The following ARHGAP44 variants were observed in gnomAD, a reference collection of about 807,000 sequenced individuals.
The protein encoded by ARHGAP44 is Rho GTPase activating protein 44.
Under a neutral mutation model 106.8 loss-of-function variants are expected in ARHGAP44, and 43 were observed. The ratio of observed to expected loss-of-function variants is 0.40; its 90% CI spans 0.32 to 0.52. ARHGAP44 has a LOEUF of 0.52. Ranked by LOEUF, ARHGAP44 falls within the 20% of genes least tolerant of loss-of-function variation. The pLI is 0.48. For missense variants in ARHGAP44, 866 were observed against 1,050.5 expected (o/e 0.82, Z 2.43); for synonymous variants, 439 against 410.3 (o/e 1.07, Z -0.85).
chr17:12,797,102 G>T (rs1183283087), intron 1 of ARHGAP44, among the ~76,000 whole-genome samples: 1 of 151,920 alleles, frequency 6.6e-6, no homozygotes, highest in Non-Finnish European at 1.5e-5. Context: ...AAAAATTTTT[G>T]TTGTATGTCT....
chr17:12,922,804 G>A (rs1386803328), intron 6 of ARHGAP44, among the ~76,000 whole-genome samples: 1 of 151,952 alleles, frequency 6.6e-6, no homozygotes. Flanking sequence ...TCGCCATGTT[G>A]GCCAGGCTGG....
At chr17:12,802,760 T>C (rs1386358681) in intron 1 of ARHGAP44, among the ~76,000 whole-genome samples, 60 of 125,534 alleles carry the variant, frequency 4.8e-4, no homozygotes, top group African/African-American at 1.9e-3. Flanking sequence ...TTTCTTTTTT[T>C]TTTTTTTTTT....
intron 10 of ARHGAP44, 82 bp downstream of exon 10, chr17:12,944,278 A>G: frequency 1.4e-6 from 2 of 1,453,050 alleles, no homozygotes; most frequent in Non-Finnish European, 1.8e-6. Flanking sequence ...TCTCTCCTGT[A>G]CCATCTCCAC....
chr17:12,888,711 AT>A (rs2036953607), intron 1 of ARHGAP44, among the ~76,000 whole-genome samples: 1 of 152,018 alleles, frequency 6.6e-6, no homozygotes, highest in South Asian at 2.1e-4. Context: ...ATAGTTGTGT[AT>A]TTGTCTATTT....
intron 15 of ARHGAP44, 141 bp downstream of exon 15, chr17:12,956,887 A>G (rs1431664899): frequency 3.4e-6 from 2 of 591,164 alleles, no homozygotes; most frequent in East Asian, 3.0e-5. Flanking sequence ...ACACACACAC[A>G]CGCATGCAGA....
Position 12,859,587 on chromosome 17 carries a change from C to G in ARHGAP44, c.54-35353C>G, listed in dbSNP as rs193211014. ...TTTCCTGACTCTTCTGTTATTCTCT[C>G]TTAATATTTCCTGAGATGTCTCATT... is the stretch of plus-strand genomic sequence containing the variant. On this transcript the variant is annotated intron_variant, in intron 1 of 20. Transcript: ENST00000379672. Among the ~76,000 whole-genome samples, 399 of 152,326 alleles carry G rather than the reference C, an allele frequency of 2.6e-3. 2 individuals are homozygous for G. Among genetic ancestry groups the G allele is most frequent in the African/African-American group, 7.9e-3 (329 of 41,580 alleles).
chr17:12,867,258 T>C (rs1343178725), intron 1 of ARHGAP44, among the ~76,000 whole-genome samples: 1 of 152,032 alleles, frequency 6.6e-6, no homozygotes, highest in Non-Finnish European at 1.5e-5. Flanking sequence ...TTCACATTAA[T>C]GTTTTATCTA....
intron 1 of ARHGAP44, among the ~76,000 whole-genome samples, chr17:12,872,534 T>G (rs1053750915): frequency 8.5e-5 from 13 of 152,224 alleles, no homozygotes; most frequent in Non-Finnish European, 1.5e-4. Context: ...AATATGAACT[T>G]TTAGATTCAA....
chr17:12,867,147 A>G (rs528979427), intron 1 of ARHGAP44, among the ~76,000 whole-genome samples: 2 of 151,560 alleles, frequency 1.3e-5, no homozygotes, highest in Admixed American at 1.3e-4. Context: ...TGTCACTCAC[A>G]AGGAAACATG....
At chr17:12,911,049 C>CA (rs60781678) in intron 4 of ARHGAP44, among the ~76,000 whole-genome samples, 4,039 of 128,580 alleles carry the variant, frequency 0.031, 117 homozygotes, top group African/African-American at 0.074. Flanking sequence ...AAAAAGTAAC[C>CA]AAAAAAAAAA....
At chr17:12,861,944 C>A (rs1402706303) in intron 1 of ARHGAP44, among the ~76,000 whole-genome samples, 1 of 151,904 alleles carries the variant, frequency 6.6e-6, no homozygotes, top group African/African-American at 2.4e-5. Context: ...CTTCCTCTTC[C>A]ACTATTAAGG....
rs547462180 is a variant in ARHGAP44, at chr17:12,973,970, G to A, written c.1542-119G>A. The A allele has an allele frequency of 2.0e-3, 2,179 of 1,090,568 alleles. 5 individuals carry two copies. The highest frequency in any genetic ancestry group is 2.2e-3 in the Non-Finnish European group (1,641 of 739,940). The allele number at this position is 1,090,568 out of a possible 1,614,324, so 67.6% of individuals were successfully genotyped here. ...CCAATGCATCGCTTCCCGGGCCCCC[G>A]GGGTGCTAAAGCTGCGCTGCTCTTC... On this transcript the variant is annotated intron_variant, in intron 17 of 20. Coordinates refer to ENST00000379672, the MANE Select transcript of ARHGAP44 (RefSeq NM_014859.6).
intron 16 of ARHGAP44, among the ~76,000 whole-genome samples, chr17:12,970,116 T>A (rs1460728310): frequency 6.6e-6 from 1 of 152,120 alleles, no homozygotes; most frequent in Admixed American, 6.5e-5. Flanking sequence ...ATGAGCAGTG[T>A]CAATTCTGGA....
At chr17:12,814,741 A>G (rs1259785221) in intron 1 of ARHGAP44, among the ~76,000 whole-genome samples, 1 of 151,978 alleles carries the variant, frequency 6.6e-6, no homozygotes, top group Non-Finnish European at 1.5e-5. Flanking sequence ...TTTCACGTCT[A>G]CCTGGCACAC....
At chr17:12,930,789 TA>T (rs2150968027) in intron 7 of ARHGAP44, among the ~76,000 whole-genome samples, 1 of 152,274 alleles carries the variant, frequency 6.6e-6, no homozygotes, top group South Asian at 2.1e-4. Flanking sequence ...CATAATGAGT[TA>T]AAAAATACAA....
chr17:12,850,382 T>G (rs1013314641), intron 1 of ARHGAP44, among the ~76,000 whole-genome samples: 2 of 148,498 alleles, frequency 1.3e-5, no homozygotes, highest in African/African-American at 5.1e-5. Flanking sequence ...CAGAGCACCA[T>G]TTTTTAAGAA....
chr17:12,946,004 C>A (rs559355789), intron 10 of ARHGAP44, among the ~76,000 whole-genome samples: 1 of 152,268 alleles, frequency 6.6e-6, no homozygotes, highest in South Asian at 2.1e-4. Flanking sequence ...GGTAATCCGT[C>A]CACCTCGGCC....
intron 1 of ARHGAP44, among the ~76,000 whole-genome samples, chr17:12,837,241 A>G (rs2035263720): frequency 6.6e-6 from 1 of 152,252 alleles, no homozygotes; most frequent in Admixed American, 6.5e-5. Flanking sequence ...CAATGTATCA[A>G]AATTTGTGGG....
At chr17:12,850,151 T>C (rs1228533378) in intron 1 of ARHGAP44, among the ~76,000 whole-genome samples, 2 of 152,132 alleles carry the variant, frequency 1.3e-5, no homozygotes, top group African/African-American at 4.8e-5. Flanking sequence ...CCGAGGAAAC[T>C]CAGAGAACAT....
Sources: allele counts gnomAD v4.1 joint callset (sites outside exome capture counted in the v4.1 genomes callset), GRCh38; gene constraint gnomAD v4.1.1; transcripts MANE v1.5; gene names NCBI Gene and HGNC (gene_info 2026-07-23, HGNC 2026-07-21).